NR3C2: variants seen among roughly 807,000 people sequenced by gnomAD.
The protein encoded by NR3C2 is nuclear receptor subfamily 3 group C member 2.
NR3C2 carries 15 observed loss-of-function variants against 86.4 expected under a neutral mutation model. That is an observed-to-expected ratio of 0.17 (90% CI 0.12 to 0.27). The LOEUF (loss-of-function observed/expected upper bound fraction) is 0.27, where lower values mean the gene tolerates loss of function less well. NR3C2 is among the 10% of genes least tolerant of loss of function. The pLI is 1.00. For synonymous variants in NR3C2, 458 were observed against 450.5 expected (o/e 1.02, Z -0.21); for missense variants, 960 against 1,195.6 (o/e 0.80, Z 2.91).
chr4:148,293,538 C>A (rs1361234115), intron 2 of NR3C2, among the ~76,000 whole-genome samples: 1 of 152,188 alleles, frequency 6.6e-6, no homozygotes, highest in Non-Finnish European at 1.5e-5. Flanking sequence ...AATGCCTTAA[C>A]AACAATATGT....
At chr4:148,194,910 C>A (rs1736370720) in intron 3 of NR3C2, 48 bp from the exon 4 acceptor site, 3 of 1,276,076 alleles carry the variant, frequency 2.4e-6, no homozygotes, top group African/African-American at 1.5e-5. Context: ...TACACTAGTA[C>A]AAAACATTAA....
upstream of NR3C2, among the ~76,000 whole-genome samples, chr4:148,443,531 C>T (rs935472900): frequency 2.0e-5 from 3 of 152,176 alleles, no homozygotes; most frequent in African/African-American, 7.2e-5. Flanking sequence ...CAACCGCCCC[C>T]TCCTCGATTC....
intron 2 of NR3C2, among the ~76,000 whole-genome samples, chr4:148,285,370 T>C (rs4260521): frequency 0.28 from 42,294 of 152,036 alleles, 5,920 homozygotes; most frequent in Middle Eastern, 0.42. Flanking sequence ...AACAAACTGG[T>C]TTATAGAAAA....
At chr4:148,209,616 TATAACTGATTGCCTAA>T (rs1248496222) in intron 3 of NR3C2, among the ~76,000 whole-genome samples, 4 of 152,190 alleles carry the variant, frequency 2.6e-5, no homozygotes, top group South Asian at 4.1e-4. Context: ...CATATAGATT[TATAACTGATTGCCTAA>T]CTATCATTTC....
intron 2 of NR3C2, among the ~76,000 whole-genome samples, chr4:148,268,042 C>T (rs1236136427): frequency 6.6e-6 from 1 of 150,426 alleles, no homozygotes; most frequent in Non-Finnish European, 1.5e-5. Context: ...TGAGTTCAAG[C>T]GATTGTCTTC....
At chr4:148,394,518 CAAA>C (rs112908192) in intron 2 of NR3C2, among the ~76,000 whole-genome samples, 29 of 133,050 alleles carry the variant, frequency 2.2e-4, no homozygotes, top group African/African-American at 2.7e-4. Context: ...CAACTCTACT[CAAA>C]AAAAAAAAAA....
chr4:148,095,638 T>C (rs920368521), intron 8 of NR3C2, among the ~76,000 whole-genome samples: 1 of 152,176 alleles, frequency 6.6e-6, no homozygotes, highest in Non-Finnish European at 1.5e-5. Flanking sequence ...TGAGAGGCAT[T>C]TGGGGACCTT....
chr4:148,406,818 T>G (rs748051630), intron 2 of NR3C2, among the ~76,000 whole-genome samples: 1 of 152,334 alleles, frequency 6.6e-6, no homozygotes, highest in Admixed American at 6.5e-5. Context: ...CTGTTTCAAT[T>G]TCTTAACCAT....
chr4:148,164,563 T>C (rs187677054), intron 4 of NR3C2, among the ~76,000 whole-genome samples: 1 of 152,306 alleles, frequency 6.6e-6, no homozygotes, highest in East Asian at 1.9e-4. Flanking sequence ...AGTTTTATAA[T>C]ACATTTAAAA....
At chr4:148,085,451 A>G (rs1578864185) in intron 8 of NR3C2, among the ~76,000 whole-genome samples, 1 of 152,262 alleles carries the variant, frequency 6.6e-6, no homozygotes, top group East Asian at 1.9e-4. Flanking sequence ...CAATGAGAGC[A>G]AAGACACAAT....
chr4:148,104,341 GGTTTTTT>G (rs1222400773), intron 8 of NR3C2, among the ~76,000 whole-genome samples: 89 of 122,356 alleles, frequency 7.3e-4, no homozygotes, highest in African/African-American at 3.0e-3. Context: ...GTTTTGGTTT[GGTTTTTT>G]TTTTTTTTTT....
chr4:148,329,819 G>A (rs1371539523), intron 2 of NR3C2, among the ~76,000 whole-genome samples: 1 of 152,186 alleles, frequency 6.6e-6, no homozygotes, highest in East Asian at 1.9e-4. Context: ...TTAAAAATAC[G>A]GAGTGATTTT....
upstream of NR3C2, chr4:148,444,769 C>T (rs1750506013): frequency 6.1e-5 from 60 of 984,978 alleles, no homozygotes; most frequent in Non-Finnish European, 7.2e-5. Context: ...CGGGCACCCG[C>T]CCGCCCCCAG....
intron 2 of NR3C2, among the ~76,000 whole-genome samples, chr4:148,326,995 T>C (rs1005368844): frequency 1.3e-5 from 2 of 152,204 alleles, no homozygotes; most frequent in African/African-American, 4.8e-5. Flanking sequence ...TTCTTCTTTA[T>C]GGATATACCA....
At chr4:148,251,206 G>A (rs563432183) in intron 3 of NR3C2, among the ~76,000 whole-genome samples, 31 of 152,066 alleles carry the variant, frequency 2.0e-4, no homozygotes, top group African/African-American at 7.5e-4. Context: ...TAATCCACCC[G>A]CCTAAACCTT....
intron 2 of NR3C2, among the ~76,000 whole-genome samples, chr4:148,308,926 T>C (rs1050597035): frequency 2.0e-5 from 3 of 152,084 alleles, no homozygotes; most frequent in Non-Finnish European, 4.4e-5. Context: ...GAGGTTGCAG[T>C]GAGCTGTGAT....
chr4:148,217,862 T>C (rs746943725), intron 3 of NR3C2, among the ~76,000 whole-genome samples: 1 of 152,196 alleles, frequency 6.6e-6, no homozygotes, highest in African/African-American at 2.4e-5. Flanking sequence ...CCATGTGTAA[T>C]GGACTGCAGC....
At chr4:148,270,076 CAT>C (rs1740600663) in intron 2 of NR3C2, among the ~76,000 whole-genome samples, 1 of 65,694 alleles carries the variant, frequency 1.5e-5, no homozygotes, top group Non-Finnish European at 3.1e-5. Context: ...CTGATTTCAG[CAT>C]TTTTTTTTTT....
intron 6 of NR3C2, among the ~76,000 whole-genome samples, chr4:148,142,239 C>G: frequency 6.6e-6 from 1 of 152,166 alleles, no homozygotes; most frequent in East Asian, 1.9e-4. Flanking sequence ...GTAAATCAGA[C>G]AGGCCAGGTT....
Sources: gnomAD v4.1 joint callset for allele counts (sites outside exome capture counted in the v4.1 genomes callset) on GRCh38, gnomAD v4.1.1 for gene constraint, MANE v1.5 for transcripts, NCBI Gene and HGNC (gene_info 2026-07-23, HGNC 2026-07-21) for gene names.